SRRM3: variants seen among roughly 807,000 people sequenced by gnomAD.
SRRM3 encodes serine/arginine repetitive matrix protein 3.
SRRM3 carries 27 observed loss-of-function variants against 66.2 expected under a neutral mutation model. The observed-to-expected ratio is 0.41, with a 90% confidence interval of 0.30 to 0.56. The LOEUF is 0.56. Ranked by LOEUF, SRRM3 falls within the 20% of genes least tolerant of loss-of-function variation. SRRM3 has a pLI of 0.32. For missense variants in SRRM3, 918 were observed against 991.9 expected (o/e 0.93, Z 1.00); for synonymous variants, 391 against 414.9 (o/e 0.94, Z 0.70).
At chr7:76,267,665 G>C (rs1405493895) in intron 11 of SRRM3, 2 of 400,364 alleles carry the variant, frequency 5.0e-6, no homozygotes, top group Non-Finnish European at 8.6e-6. Flanking sequence ...GGCGCCTGCG[G>C]TCTTGGGCCA....
chr7:76,274,183 G>A (rs1268386700), intron 11 of SRRM3, among the ~76,000 whole-genome samples: 4 of 152,246 alleles, frequency 2.6e-5, no homozygotes, highest in Non-Finnish European at 5.9e-5. Flanking sequence ...TCAGATCCTG[G>A]AGGAAGTTCT....
At position 76,249,427 on chromosome 7, in the gene SRRM3, C is replaced by T. The variant is rs77256288; in HGVS notation, c.335+1138C>T. On this transcript the variant is annotated intron_variant, in intron 3 of 14. Coordinates refer to ENST00000611745, the MANE Select transcript of SRRM3 (RefSeq NM_001110199.3). ...GGCTTTGCTGAGGTCACGCCTCTGC[C>T]GCCTGTCACAGGATAGGAGGCACAC... Among the ~76,000 whole-genome samples, 249 of 151,850 alleles carry T rather than the reference C, an allele frequency of 1.6e-3. 11 individuals carry two copies. The East Asian group carries it at 0.041, about 25-fold the overall frequency.
At chr7:76,202,102 A>AGGGGCT (rs1260460096) in intron 1 of SRRM3, 35 bp downstream of exon 1, 1 of 151,398 alleles carries the variant, frequency 6.6e-6, no homozygotes, top group Non-Finnish European at 1.5e-5. Flanking sequence ...CATATCCCCG[A>AGGGGCT]GGGGCTGGGG....
At chr7:76,280,260 T>C (rs1554611642) in intron 11 of SRRM3, among the ~76,000 whole-genome samples, 2 of 152,122 alleles carry the variant, frequency 1.3e-5, no homozygotes, top group African/African-American at 4.8e-5. Flanking sequence ...GGATCAGATA[T>C]TGTTTTTGAT....
At chr7:76,248,663 C>T (rs941196913) in intron 3 of SRRM3, among the ~76,000 whole-genome samples, 2 of 152,134 alleles carry the variant, frequency 1.3e-5, no homozygotes, top group Non-Finnish European at 2.9e-5. Context: ...CCCAGGCAAG[C>T]CCTGATGATT....
intron 2 of SRRM3, among the ~76,000 whole-genome samples, chr7:76,243,251 A>G (rs963805794): frequency 6.6e-6 from 1 of 152,160 alleles, no homozygotes; most frequent in African/African-American, 2.4e-5. Flanking sequence ...GCCAGGATTC[A>G]AAAGCAGGAC....
At chr7:76,276,311 C>T (rs1583939067) in intron 11 of SRRM3, among the ~76,000 whole-genome samples, 3 of 152,132 alleles carry the variant, frequency 2.0e-5, no homozygotes. Flanking sequence ...GAGAGGCAGG[C>T]AGACCTGGGC....
At chr7:76,210,758 A>T (rs1800412388) in intron 1 of SRRM3, among the ~76,000 whole-genome samples, 1 of 151,890 alleles carries the variant, frequency 6.6e-6, no homozygotes, top group Non-Finnish European at 1.5e-5. Flanking sequence ...TCCCGTCTCT[A>T]AAAAAATGGG....
At chr7:76,268,397 G>A (rs1355117820) in intron 11 of SRRM3, 13 of 143,422 alleles carry the variant, frequency 9.1e-5, no homozygotes, top group Middle Eastern at 3.5e-3. Context: ...GGTGGGTGGG[G>A]GGGTGGCTTG....
At position 76,265,921 on chromosome 7, in the gene SRRM3, T is replaced by A. The variant is rs1281785896; in HGVS notation, c.830+453T>A. On this transcript the variant is annotated intron_variant, in intron 10 of 14. Transcript: ENST00000611745. ...TCTCGCTCTGTCGCCCAGGCTGGAG[T>A]GCAGTGGCGGGATCTCGGCTCACTG... Among the ~76,000 whole-genome samples the A allele has an allele frequency of 7.4e-5, 4 of 54,380 alleles. 2 individuals are homozygous for A. Among genetic ancestry groups the A allele is most frequent in the Non-Finnish European group, 1.0e-4 (4 of 38,946 alleles). The allele number at this position is 54,380 out of a possible 152,430, so 35.7% of individuals were successfully genotyped here.
chr7:76,204,586 G>GC (rs1304178456), intron 1 of SRRM3, among the ~76,000 whole-genome samples: 20 of 152,262 alleles, frequency 1.3e-4, no homozygotes, highest in Middle Eastern at 3.4e-3. Flanking sequence ...GCTCCCCAGG[G>GC]CGAGAATCAA....
chr7:76,280,692 G>A (rs1802473666), intron 11 of SRRM3, among the ~76,000 whole-genome samples: 1 of 151,856 alleles, frequency 6.6e-6, no homozygotes, highest in Admixed American at 6.6e-5. Flanking sequence ...GCGGGGAACC[G>A]TGTGTGCGAT....
intron 11 of SRRM3, among the ~76,000 whole-genome samples, chr7:76,270,748 A>G (rs1287422736): frequency 3.3e-5 from 5 of 151,854 alleles, no homozygotes; most frequent in African/African-American, 1.2e-4. Context: ...TGGGAGGCAG[A>G]GGTTGCAGTG....
At chr7:76,204,786 T>G (rs906954935) in intron 1 of SRRM3, among the ~76,000 whole-genome samples, 1 of 151,840 alleles carries the variant, frequency 6.6e-6, no homozygotes, top group Admixed American at 6.6e-5. Flanking sequence ...AATGATGGGG[T>G]TTAATGCCAG....
At chr7:76,280,685 G>A (rs1305220445) in intron 11 of SRRM3, among the ~76,000 whole-genome samples, 2 of 151,900 alleles carry the variant, frequency 1.3e-5, no homozygotes, top group African/African-American at 4.8e-5. Context: ...GGCAGGCGCG[G>A]GGAACCGTGT....
chr7:76,262,516 G>GAAA lies in SRRM3; in HGVS notation c.674+952_674+954dup, dbSNP rs782055282. ...GGTGACACAGCGAGACTCTGTCTCA[G>GAAA]AAAAAAAAAAAAAAAAAAACAAAGT... On this transcript the variant is annotated intron_variant, in intron 8 of 14. Coordinates refer to ENST00000611745, the MANE Select transcript of SRRM3 (RefSeq NM_001110199.3). Among the ~76,000 whole-genome samples, 712 of 92,692 alleles carry GAAA rather than the reference G, an allele frequency of 7.7e-3. 17 individuals carry two copies. Among genetic ancestry groups the GAAA allele is most frequent in the East Asian group, 0.024 (81 of 3,308 alleles). 60.8% of individuals were successfully genotyped at this position (92,692 alleles called of 152,430 possible).
chr7:76,243,850 G>C (rs1251265487), intron 2 of SRRM3, among the ~76,000 whole-genome samples: 1 of 152,238 alleles, frequency 6.6e-6, no homozygotes, highest in Non-Finnish European at 1.5e-5. Context: ...TGACAAGCTA[G>C]TCTCTGCAAG....
At chr7:76,221,990 G>A (rs1800734892) in intron 1 of SRRM3, among the ~76,000 whole-genome samples, 1 of 152,212 alleles carries the variant, frequency 6.6e-6, no homozygotes, top group Non-Finnish European at 1.5e-5. Flanking sequence ...TTACAGATAA[G>A]AAAGAGGTTA....
intron 2 of SRRM3, among the ~76,000 whole-genome samples, chr7:76,238,695 G>A (rs1421529320): frequency 1.3e-5 from 2 of 152,076 alleles, no homozygotes; most frequent in African/African-American, 2.4e-5. Flanking sequence ...GATTCTCGCT[G>A]TGTCACCCAG....
Sources: gnomAD v4.1 joint callset for allele counts (sites outside exome capture counted in the v4.1 genomes callset) on GRCh38, gnomAD v4.1.1 for gene constraint, MANE v1.5 for transcripts, NCBI Gene and HGNC (gene_info 2026-07-23, HGNC 2026-07-21) for gene names.